Variants in ABCB11 observed in about 807,000 individuals in gnomAD.
The protein encoded by ABCB11 is ATP binding cassette subfamily B member 11.
Under a neutral mutation model 148.0 loss-of-function variants are expected in ABCB11, and 95 were observed. The observed-to-expected ratio is 0.64, with a 90% confidence interval of 0.54 to 0.76. ABCB11 has a LOEUF of 0.76. Among genes scored for constraint, ABCB11 ranks in the 30% least tolerant of loss-of-function variants. The pLI is 0.00. For synonymous variants in ABCB11, 591 were observed against 555.4 expected, an observed-to-expected ratio of 1.06 and a Z score of -0.90; for missense variants, 1,523 against 1,617.8, an observed-to-expected ratio of 0.94 and a Z score of 1.01.
chr2:168,928,006 C>T (rs773896637), intron 25 of ABCB11, among the ~76,000 whole-genome samples: 2 of 152,118 alleles, frequency 1.3e-5, no homozygotes, highest in Non-Finnish European at 2.9e-5. Flanking sequence ...TGAATATCTA[C>T]CACATGAGCT....
At chr2:168,963,625 T>G (rs568207423) in intron 18 of ABCB11, among the ~76,000 whole-genome samples, 1 of 151,792 alleles carries the variant, frequency 6.6e-6, no homozygotes, top group Non-Finnish European at 1.5e-5. Context: ...CTACCTTGAA[T>G]TATGTTAAAA....
chr2:168,938,938 A>G (rs2105903118), intron 21 of ABCB11, among the ~76,000 whole-genome samples: 1 of 152,132 alleles, frequency 6.6e-6, no homozygotes, highest in East Asian at 1.9e-4. Context: ...AAGGGCTCAT[A>G]CTCTACATAT....
rs1246753520 is a variant in ABCB11 at position 168,993,780 on chromosome 2, A to G, written c.714T>C (p.Gly238=). The change falls in exon 8 of 28, where the codon GGT becomes GGC. Residue 238 remains glycine (G), a synonymous_variant. Transcript: ENST00000650372. ...AAATAATAACCAAGGTCAGTTTCCA[A>G]CCCCTGAAAAATCCCAACAGGAAAC... ...ICGFLLGFFR[G]WKLTLVIISV... The G allele has an allele frequency of 1.9e-6, 3 of 1,611,074 alleles. No homozygotes were observed. The highest frequency in any genetic ancestry group is 2.5e-6 in the Non-Finnish European group (3 of 1,178,486).
In ABCB11 at chr2:169,014,369, A is replaced by G. The variant is rs1449675160; in HGVS notation, c.99-15T>C. 11 of 1,611,810 alleles carry G rather than the reference A, an allele frequency of 6.8e-6. No individual in the cohort carries two copies. Among genetic ancestry groups the G allele is most frequent in the Non-Finnish European group, 8.5e-6 (10 of 1,178,486 alleles). On this transcript the variant is annotated splice_polypyrimidine_tract_variant and intron_variant, in intron 3 of 27. Coordinates refer to ENST00000650372, the MANE Select transcript of ABCB11 (RefSeq NM_003742.4). ...CATCTTGTAACCTGATGAGAAAAAC[A>G]TAAGGATTTAAAGACCACCCTTTCC...
intron 11 of ABCB11, among the ~76,000 whole-genome samples, chr2:168,977,745 C>G (rs1693972375): frequency 6.6e-6 from 1 of 152,144 alleles, no homozygotes; most frequent in Non-Finnish European, 1.5e-5. Context: ...GGAAGCAAAG[C>G]ATGTCTTACA....
At chr2:168,958,626 CATT>C (rs35362717) in intron 18 of ABCB11, among the ~76,000 whole-genome samples, 3,949 of 151,766 alleles carry the variant, frequency 0.026, 107 homozygotes, top group South Asian at 0.12. Context: ...CAACAGTTAT[CATT>C]GAGATGTTTT....
intron 19 of ABCB11, among the ~76,000 whole-genome samples, chr2:168,956,444 T>G (rs1026341432): frequency 1.3e-5 from 2 of 151,722 alleles, no homozygotes; most frequent in Admixed American, 1.3e-4. Context: ...ATGTATCAGT[T>G]GCTTGTTCCA....
intron 1 of ABCB11, 24 bp from the exon 2 acceptor site, chr2:169,018,176 A>G (rs1247741382): frequency 6.4e-7 from 1 of 1,570,214 alleles, no homozygotes; most frequent in Non-Finnish European, 8.7e-7. Flanking sequence ...TAAAAGAATC[A>G]TTGCAATTAT....
rs949816487 is a variant in ABCB11, at chr2:168,922,396, C to T, written c.*1226G>A. On this transcript the variant is annotated 3_prime_UTR_variant, in exon 28 of 28. Coordinates refer to ENST00000650372, the MANE Select transcript of ABCB11 (RefSeq NM_003742.4). ...GGAAAGGCAGCCATCCTGCTGCAGG[C>T]GGGGCTCTGCAATTCTGTTTCCATA... Among the ~76,000 whole-genome samples, 10 of 152,224 alleles carry T rather than the reference C, an allele frequency of 6.6e-5. No homozygotes were observed. Among genetic ancestry groups the T allele is most frequent in the Non-Finnish European group, 1.3e-4 (9 of 68,022 alleles).
intron 19 of ABCB11, 132 bp downstream of exon 19, chr2:168,957,832 T>C (rs1215095981): frequency 1.1e-6 from 1 of 924,368 alleles, no homozygotes; most frequent in Non-Finnish European, 1.5e-6. Context: ...CTTAGGAAAT[T>C]TTTCATTCTT....
chr2:169,006,877 A>G (rs961381640), intron 5 of ABCB11, among the ~76,000 whole-genome samples: 6 of 152,218 alleles, frequency 3.9e-5, no homozygotes, highest in African/African-American at 1.4e-4. Context: ...GAAAGCTATA[A>G]AACCTTGTTG....
In ABCB11 at chr2:168,977,127, TTAA is replaced by T. The variant is rs1359476075; in HGVS notation, c.1198-443_1198-441del. Among the ~76,000 whole-genome samples, 15 of 148,648 alleles carry T rather than the reference TTAA, an allele frequency of 1.0e-4. No individual in the cohort carries two copies. In the Admixed American group the frequency reaches 1.0e-3, roughly 10 times the overall value. On this transcript the variant is annotated intron_variant, in intron 11 of 27. Transcript: ENST00000650372. ...ATACATATATAATACATATGTTGTATTAATATTATAAATGTATAACATATGTTA... is the reference window on the plus strand; with the variant it reads ...ATACATATATAATACATATGTTGTATTATTATAAATGTATAACATATGTTA...
At chr2:168,981,024 G>C (rs980129337) in intron 10 of ABCB11, among the ~76,000 whole-genome samples, 2 of 152,194 alleles carry the variant, frequency 1.3e-5, no homozygotes, top group African/African-American at 2.4e-5. Flanking sequence ...AAGCCAAAGA[G>C]TGGCCCTGCA....
intron 21 of ABCB11, among the ~76,000 whole-genome samples, chr2:168,942,335 CA>C (rs1692100603): frequency 6.6e-6 from 1 of 151,602 alleles, no homozygotes. Context: ...ATATGAATTT[CA>C]CCAGAATAAA....
At chr2:168,929,964 C>T (rs986364209) in intron 25 of ABCB11, among the ~76,000 whole-genome samples, 1 of 151,940 alleles carries the variant, frequency 6.6e-6, no homozygotes, top group Non-Finnish European at 1.5e-5. Context: ...ATCAAGTGGT[C>T]AAAAATAGTT....
intron 1 of ABCB11, among the ~76,000 whole-genome samples, chr2:169,022,778 A>G (rs1038479875): frequency 6.6e-6 from 1 of 152,130 alleles, no homozygotes; most frequent in African/African-American, 2.4e-5. Context: ...AGATTTTAAA[A>G]TGATAAATAA....
intron 1 of ABCB11, among the ~76,000 whole-genome samples, chr2:169,020,029 T>C (rs1187170684): frequency 3.9e-5 from 6 of 152,192 alleles, no homozygotes; most frequent in Non-Finnish European, 8.8e-5. Flanking sequence ...TAACAAAATA[T>C]GTCAGGACGG....
chr2:168,963,759 A>G (rs1410821380), intron 18 of ABCB11, among the ~76,000 whole-genome samples: 9 of 151,834 alleles, frequency 5.9e-5, no homozygotes, highest in Non-Finnish European at 1.2e-4. Context: ...AATAAGGGCT[A>G]GCCTATTCAA....
rs1389923785 is a variant in ABCB11 at position 168,978,159 on chromosome 2, T to TTTC, written c.1198-1475_1198-1473dup. Among the ~76,000 whole-genome samples the TTTC allele has an allele frequency of 7.7e-4, 110 of 142,030 alleles. 2 individuals carry two copies. The highest frequency in any genetic ancestry group is 2.7e-3 in the African/African-American group (102 of 37,824). The allele number at this position is 142,030 out of a possible 152,430, so 93.2% of individuals were successfully genotyped here. A position where few individuals can be genotyped will look rare whatever the true frequency, so the allele number is the denominator to read the frequency against. On this transcript the variant is annotated intron_variant, in intron 11 of 27. Transcript: ENST00000650372. ...TTTTTTTTTTTTTTTTTTTTTTTTT[T>TTTC]TTCAGAGACAGGGTTTCACTCTGTC...
Sources: gnomAD v4.1 joint callset for allele counts (sites outside exome capture counted in the v4.1 genomes callset) on GRCh38, gnomAD v4.1.1 for gene constraint, MANE v1.5 for transcripts, NCBI Gene and HGNC (gene_info 2026-07-23, HGNC 2026-07-21) for gene names.